The following SLC14A2 variants were observed in gnomAD, a reference collection of about 807,000 sequenced individuals.
SLC14A2 encodes solute carrier family 14 member 2.
SLC14A2 carries 91 observed loss-of-function variants against 104.6 expected under a neutral mutation model. The ratio of observed to expected loss-of-function variants is 0.87; its 90% CI spans 0.73 to 1.04. SLC14A2 has a LOEUF of 1.04. Among genes scored for constraint, SLC14A2 ranks in the 50% least tolerant of loss-of-function variants. SLC14A2 has a pLI of 0.00. For missense variants in SLC14A2, 1,189 were observed against 1,156.0 expected, an observed-to-expected ratio of 1.03 and a Z score of -0.41; for synonymous variants, 476 against 466.4, an observed-to-expected ratio of 1.02 and a Z score of -0.27.
chr18:45,186,266 T>C, the SLC14A2 span, among the ~76,000 whole-genome samples: 3 of 152,216 alleles, frequency 2.0e-5, no homozygotes, highest in South Asian at 2.1e-4. Context: ...GGTTTAAAGA[T>C]AGACATCAGG....
chr18:45,219,758 G>A (rs1001710723), intron 1 of SLC14A2, among the ~76,000 whole-genome samples: 2 of 152,078 alleles, frequency 1.3e-5, no homozygotes, highest in African/African-American at 4.8e-5. Flanking sequence ...TTTTAAACAA[G>A]CACCAGTGTT....
intron 1 of SLC14A2, among the ~76,000 whole-genome samples, chr18:45,363,250 G>C (rs2085632437): frequency 6.6e-6 from 1 of 152,116 alleles, no homozygotes. Flanking sequence ...TGGAGTTAGG[G>C]AGAGTGGCTC....
At chr18:45,257,103 G>A (rs1247264054) in intron 1 of SLC14A2, among the ~76,000 whole-genome samples, 2 of 152,216 alleles carry the variant, frequency 1.3e-5, no homozygotes, top group Admixed American at 6.5e-5. Context: ...CCTCTACCAT[G>A]TTCTTCTGAA....
chr18:45,431,529 C>T (rs1432661755), intron 1 of SLC14A2, among the ~76,000 whole-genome samples: 2 of 152,190 alleles, frequency 1.3e-5, no homozygotes, highest in African/African-American at 4.8e-5. Flanking sequence ...AATGTTAGTT[C>T]TCTTTCCTCT....
chr18:45,639,612 C>T lies in SLC14A2; in HGVS notation c.844-134C>T, dbSNP rs1568309058. On this transcript the variant is annotated intron_variant, in intron 6 of 19. Transcript: ENST00000255226. ...CCAGCTCATGCCTCCCATGTTCTCT[C>T]ACATGCTGGAGGGTACAGTCATCCT... 6 of 805,096 alleles carry T rather than the reference C, an allele frequency of 7.5e-6. No individual in the cohort carries two copies. The Admixed American group carries it at 8.9e-5, about 12-fold the overall frequency. 49.9% of individuals were successfully genotyped at this position (805,096 alleles called of 1,614,324 possible).
intron 2 of SLC14A2, among the ~76,000 whole-genome samples, chr18:45,514,715 C>T (rs1413884905): frequency 6.6e-6 from 1 of 152,156 alleles, no homozygotes; most frequent in Non-Finnish European, 1.5e-5. Flanking sequence ...GATGTGCAAG[C>T]TTTCATGCTA....
intron 1 of SLC14A2, among the ~76,000 whole-genome samples, chr18:45,477,748 T>C (rs1568229443): frequency 6.6e-6 from 1 of 152,164 alleles, no homozygotes; most frequent in Non-Finnish European, 1.5e-5. Context: ...TGGGCTCCAC[T>C]GAGTCCAAAC....
chr18:45,318,026 C>T (rs1424566820), intron 1 of SLC14A2, among the ~76,000 whole-genome samples: 1 of 152,204 alleles, frequency 6.6e-6, no homozygotes, highest in African/African-American at 2.4e-5. Flanking sequence ...CTACTTCTTC[C>T]CAGCCTCAGC....
intron 1 of SLC14A2, among the ~76,000 whole-genome samples, chr18:45,445,609 C>G (rs2086755232): frequency 6.6e-6 from 1 of 152,148 alleles, no homozygotes; most frequent in African/African-American, 2.4e-5. Flanking sequence ...GAATACCAAC[C>G]TAGCTCATAG....
At chr18:45,278,046 C>T (rs532426269) in intron 1 of SLC14A2, among the ~76,000 whole-genome samples, 14 of 152,138 alleles carry the variant, frequency 9.2e-5, no homozygotes, top group East Asian at 1.9e-4. Flanking sequence ...ATAGTTAGGG[C>T]GTTCCCCAAA....
intron 1 of SLC14A2, among the ~76,000 whole-genome samples, chr18:45,279,613 CAGA>C (rs80184838): frequency 0.015 from 2,280 of 152,198 alleles, 84 homozygotes; most frequent in East Asian, 0.089. Flanking sequence ...GGTACCAAAG[CAGA>C]AGATCTTTTT....
chr18:45,667,156 G>T, intron 13 of SLC14A2, 62 bp downstream of exon 13: 1 of 1,414,980 alleles, frequency 7.1e-7, no homozygotes. Flanking sequence ...CCCATCCCCA[G>T]GAAACCCATT....
intron 1 of SLC14A2, chr18:45,440,451 TG>T (rs1206751756): frequency 6.6e-6 from 1 of 152,190 alleles, no homozygotes; most frequent in Non-Finnish European, 1.5e-5. Context: ...TGTTCCAGCT[TG>T]TTGGAAATCA....
At chr18:45,394,953 G>T (rs1258974017) in intron 1 of SLC14A2, among the ~76,000 whole-genome samples, 1 of 152,190 alleles carries the variant, frequency 6.6e-6, no homozygotes, top group African/African-American at 2.4e-5. Context: ...ATATGATCCA[G>T]CAATCACACT....
At chr18:45,662,032 C>G (rs1400412128) in intron 10 of SLC14A2, among the ~76,000 whole-genome samples, 1 of 152,214 alleles carries the variant, frequency 6.6e-6, no homozygotes, top group Non-Finnish European at 1.5e-5. Context: ...AGGCTGGGCG[C>G]TGTAGCTCAC....
the SLC14A2 span, among the ~76,000 whole-genome samples, chr18:45,191,470 C>T: frequency 5.5e-4 from 83 of 152,256 alleles, no homozygotes; most frequent in African/African-American, 1.9e-3. Context: ...ATCCATATAA[C>T]AATTGTTTCA....
intron 2 of SLC14A2, among the ~76,000 whole-genome samples, chr18:45,494,162 T>C (rs993410606): frequency 3.3e-5 from 5 of 152,214 alleles, no homozygotes; most frequent in African/African-American, 1.2e-4. Context: ...AAGAATTGGG[T>C]GACCATTTGC....
chr18:45,394,779 T>C (rs2086010397), intron 1 of SLC14A2, among the ~76,000 whole-genome samples: 1 of 152,188 alleles, frequency 6.6e-6, no homozygotes, highest in Admixed American at 6.5e-5. Flanking sequence ...AGATATATGG[T>C]TTGCAAATAT....
chr18:45,558,062 A>G (rs974672704), intron 2 of SLC14A2, among the ~76,000 whole-genome samples: 11 of 152,116 alleles, frequency 7.2e-5, no homozygotes, highest in African/African-American at 2.7e-4. Context: ...AGCCTCTCAG[A>G]TCATTCCAAT....
Sources: gnomAD v4.1 joint callset for allele counts (sites outside exome capture counted in the v4.1 genomes callset) on GRCh38, gnomAD v4.1.1 for gene constraint, MANE v1.5 for transcripts, NCBI Gene and HGNC (gene_info 2026-07-23, HGNC 2026-07-21) for gene names.